The following ATRNL1 variants were observed in gnomAD, a reference collection of about 807,000 sequenced individuals.
The protein encoded by ATRNL1 is attractin like 1, also known as attractin-like protein 1.
In ATRNL1, 95 loss-of-function variants were observed where a neutral mutation model predicts 182.7. The observed-to-expected ratio is 0.52, with a 90% CI of 0.44 to 0.62. The LOEUF is 0.62. Among genes scored for constraint, ATRNL1 ranks in the 20% least tolerant of loss-of-function variants. The pLI, the probability that ATRNL1 is intolerant of heterozygous loss-of-function variation, is 0.00. For missense variants in ATRNL1, 1,471 were observed against 1,679.5 expected, an observed-to-expected ratio of 0.88 and a Z score of 2.17; for synonymous variants, 576 against 568.3, an observed-to-expected ratio of 1.01 and a Z score of -0.19.
intron 28 of ATRNL1, among the ~76,000 whole-genome samples, chr10:115,925,260 C>T (rs1340706796): frequency 6.6e-6 from 1 of 151,918 alleles, no homozygotes; most frequent in Non-Finnish European, 1.5e-5. Flanking sequence ...GCCTGATTGC[C>T]CTGGCCAGAA....
At chr10:115,778,868 A>T (rs1949193932) in intron 27 of ATRNL1, among the ~76,000 whole-genome samples, 1 of 152,202 alleles carries the variant, frequency 6.6e-6, no homozygotes, top group African/African-American at 2.4e-5. Context: ...AAGGACACTG[A>T]AGGAGCTATT....
chr10:115,671,983 C>T (rs534522425), intron 26 of ATRNL1, among the ~76,000 whole-genome samples: 1 of 152,138 alleles, frequency 6.6e-6, no homozygotes, highest in African/African-American at 2.4e-5. Flanking sequence ...TACAGGGACA[C>T]TGCCACTAGA....
chr10:115,612,123 A>G (rs1188835129), intron 26 of ATRNL1, among the ~76,000 whole-genome samples: 1 of 151,998 alleles, frequency 6.6e-6, no homozygotes, highest in Non-Finnish European at 1.5e-5. Context: ...GTTGTGGCGG[A>G]CGCCTGTAAT....
chr10:115,330,220 T>A (rs186738438), intron 18 of ATRNL1, among the ~76,000 whole-genome samples: 153 of 152,286 alleles, frequency 1.0e-3, no homozygotes, highest in Non-Finnish European at 1.8e-3. Context: ...ACATCTTATA[T>A]TGTTTATCCC....
intron 13 of ATRNL1, among the ~76,000 whole-genome samples, chr10:115,275,453 G>C (rs1852061664): frequency 1.3e-5 from 2 of 152,138 alleles, no homozygotes; most frequent in African/African-American, 4.8e-5. Context: ...ACTCCTAGGA[G>C]CAACTTCATG....
rs2084939661 is a variant in ATRNL1, at chr10:115,093,843, C to A, written c.93C>A (p.Gly31=). ...GGCCGGCGGGCGGCGGCGGCGGGGG[C>A]GCCTCCTCCTGGCTGCTGGACGGGA... ...RARPAGGGGG[G]ASSWLLDGNS... Residue 31 remains glycine (G), a synonymous_variant, in exon 1 of 29, where the codon GGC becomes GGA. Coordinates refer to ENST00000355044, the MANE Select transcript of ATRNL1 (RefSeq NM_207303.4). This position sits in a 1 kb window ranked among gnomAD's most constrained non-coding sequence, Gnocchi z 6.1. The A allele has an allele frequency of 2.0e-6, 3 of 1,528,030 alleles. No individual in the cohort carries two copies. The highest frequency in any genetic ancestry group is 2.0e-5 in the Admixed American group (1 of 48,856). The allele number at this position is 1,528,030 out of a possible 1,614,324, so 94.7% of individuals were successfully genotyped here. A position where few individuals can be genotyped will look rare whatever the true frequency, so the allele number is the denominator to read the frequency against.
intron 5 of ATRNL1, among the ~76,000 whole-genome samples, chr10:115,143,973 T>C (rs1226457349): frequency 6.6e-5 from 10 of 150,692 alleles, no homozygotes; most frequent in Admixed American, 6.6e-5. Context: ...TATGAGAATT[T>C]TTTTTGTTTC....
At chr10:115,852,205 T>A (rs1185960258) in intron 28 of ATRNL1, among the ~76,000 whole-genome samples, 1 of 152,184 alleles carries the variant, frequency 6.6e-6, no homozygotes, top group Non-Finnish European at 1.5e-5. Flanking sequence ...TTTGCCATGA[T>A]CCTGCCTCAT....
Position 115,529,418 on chromosome 10 carries a change from T to G in ATRNL1, c.3716+10094T>G, listed in dbSNP as rs75580625. 5.9e-3 allele frequency among the ~76,000 whole-genome samples: 895 copies of G among 151,952 alleles called. 32 individuals are homozygous for G. In the East Asian group the frequency reaches 0.1, roughly 18 times the overall value. On this transcript the variant is annotated intron_variant, in intron 25 of 28. Coordinates refer to ENST00000355044, the MANE Select transcript of ATRNL1 (RefSeq NM_207303.4). ...GGATATTTTGGTTTTGTTTTAATAATCTGGGAATCTCTTAATTTTATGTGA... is the reference window on the plus strand; with the variant it reads ...GGATATTTTGGTTTTGTTTTAATAAGCTGGGAATCTCTTAATTTTATGTGA...
chr10:115,871,580 A>T (rs1211556530), intron 28 of ATRNL1, among the ~76,000 whole-genome samples: 1 of 151,448 alleles, frequency 6.6e-6, no homozygotes, highest in Non-Finnish European at 1.5e-5. Context: ...AATGAAAAGC[A>T]TCCAAGGAAA....
At chr10:115,908,698 C>T (rs1190701210) in intron 28 of ATRNL1, among the ~76,000 whole-genome samples, 1 of 152,216 alleles carries the variant, frequency 6.6e-6, no homozygotes, top group Non-Finnish European at 1.5e-5. Flanking sequence ...ACAGATTTCT[C>T]AGGGCACCTA....
At chr10:115,409,657 A>G (rs1267547355) in intron 20 of ATRNL1, among the ~76,000 whole-genome samples, 1 of 152,162 alleles carries the variant, frequency 6.6e-6, no homozygotes, top group Non-Finnish European at 1.5e-5. Flanking sequence ...GTTCTTACTG[A>G]AAAACAAACA....
chr10:115,427,630 T>G (rs1256468014), intron 21 of ATRNL1, among the ~76,000 whole-genome samples: 1 of 152,126 alleles, frequency 6.6e-6, no homozygotes, highest in Non-Finnish European at 1.5e-5. Flanking sequence ...ATTGAAGTTC[T>G]TTTTTTCTCC....
chr10:115,160,422 A>G (rs1303732320), intron 6 of ATRNL1, among the ~76,000 whole-genome samples: 1 of 151,864 alleles, frequency 6.6e-6, no homozygotes, highest in African/African-American at 2.4e-5. Flanking sequence ...AAATGTTATT[A>G]CTTCTCTAGA....
intron 27 of ATRNL1, among the ~76,000 whole-genome samples, chr10:115,730,972 GACTAGGCCAGTCT>G (rs1362024550): frequency 6.6e-6 from 1 of 152,102 alleles, no homozygotes; most frequent in Non-Finnish European, 1.5e-5. Flanking sequence ...GAGAAAGATG[GACTAGGCCAGTCT>G]AGTCTTTTCG....
chr10:115,178,676 A>T (rs1275645480), intron 8 of ATRNL1, among the ~76,000 whole-genome samples: 1 of 152,100 alleles, frequency 6.6e-6, no homozygotes, highest in Non-Finnish European at 1.5e-5. Flanking sequence ...AGTGCCTTAC[A>T]AAAAGTGCTG....
intron 28 of ATRNL1, among the ~76,000 whole-genome samples, chr10:115,918,709 T>C (rs1952954457): frequency 6.6e-6 from 1 of 152,078 alleles, no homozygotes; most frequent in South Asian, 2.1e-4. Flanking sequence ...AGTGGTCAAA[T>C]TGTGTAGTAT....
At chr10:115,623,313 A>G (rs782017955) in intron 26 of ATRNL1, among the ~76,000 whole-genome samples, 6 of 152,230 alleles carry the variant, frequency 3.9e-5, no homozygotes, top group Non-Finnish European at 7.3e-5. Context: ...TAATGCAGAA[A>G]GTTTCAAACT....
At chr10:115,183,549 C>G (rs1847827125) in intron 8 of ATRNL1, among the ~76,000 whole-genome samples, 1 of 151,454 alleles carries the variant, frequency 6.6e-6, no homozygotes, top group African/African-American at 2.4e-5. Flanking sequence ...AAATAGTAGA[C>G]TATCTTGTAC....
Sources: gnomAD v4.1 joint callset for allele counts (sites outside exome capture counted in the v4.1 genomes callset) on GRCh38, gnomAD v4.1.1 for gene constraint, Gnocchi (gnomAD v3.1) non-coding constraint, MANE v1.5 for transcripts, NCBI Gene and HGNC (gene_info 2026-07-23, HGNC 2026-07-21) for gene names.